Variants in PRKN observed in about 807,000 individuals in gnomAD.
PRKN encodes the protein parkin RBR E3 ubiquitin protein ligase.
A neutral mutation model predicts 59.5 loss-of-function variants in PRKN; 56 were observed. That is an observed-to-expected ratio of 0.94 (90% CI 0.76 to 1.18). The LOEUF (loss-of-function observed/expected upper bound fraction) is 1.18. Among genes scored for constraint, PRKN ranks in the 50% most tolerant of loss-of-function variants. The pLI, the probability that PRKN is intolerant of heterozygous loss-of-function variation, is 0.00. For synonymous variants in PRKN, 250 were observed against 222.1 expected, an observed-to-expected ratio of 1.13 and a Z score of -1.12; for missense variants, 657 against 596.4, an observed-to-expected ratio of 1.10 and a Z score of -1.06.
chr6:162,435,420 C>A (rs1288211655), intron 2 of PRKN, among the ~76,000 whole-genome samples: 3 of 151,964 alleles, frequency 2.0e-5, no homozygotes, highest in Admixed American at 6.6e-5. Context: ...CACATGGGCA[C>A]AGAAATGTCA....
chr6:161,500,213 C>T lies in PRKN; in HGVS notation c.1083+48641G>A, dbSNP rs117153422. On this transcript the variant is annotated intron_variant, in intron 9 of 11. Coordinates refer to ENST00000366898, the MANE Select transcript of PRKN (RefSeq NM_004562.3). ...ATTGAGCAGAGTACAGAGAGCTCCCCTCTCCCCTCTCCCCTATACATGCAC... is the reference window on the plus strand; with the variant it reads ...ATTGAGCAGAGTACAGAGAGCTCCCTTCTCCCCTCTCCCCTATACATGCAC... 2.9e-3 allele frequency among the ~76,000 whole-genome samples: 445 copies of T among 152,238 alleles called. 10 individuals are homozygous for T. The highest frequency in any genetic ancestry group is 0.026 in the East Asian group (134 of 5,182).
In PRKN at chr6:161,365,701, C is replaced by A; in HGVS notation, c.1168-5496G>T. Among the ~76,000 whole-genome samples, 4 of 152,324 alleles carry A rather than the reference C, an allele frequency of 2.6e-5. No individual in the cohort carries two copies. In the South Asian group the frequency reaches 8.3e-4, roughly 32 times the overall value. ...CACAAGGCAGAGTGGGTATAACTTG[C>A]AGGCCCACCAGAAAGCCACTAGGAT... On this transcript the variant is annotated intron_variant, in intron 10 of 11. Transcript: ENST00000366898.
At chr6:162,351,997 C>A (rs1322145378) in intron 2 of PRKN, among the ~76,000 whole-genome samples, 1 of 152,078 alleles carries the variant, frequency 6.6e-6, no homozygotes, top group Non-Finnish European at 1.5e-5. Context: ...GCTTTTGAGC[C>A]ACCCCCTCCG....
chr6:161,840,075 C>A (rs1792921741), intron 6 of PRKN, among the ~76,000 whole-genome samples: 1 of 152,260 alleles, frequency 6.6e-6, no homozygotes, highest in South Asian at 2.1e-4. Flanking sequence ...CATCTCTCTT[C>A]TTCTGCTGAG....
intron 9 of PRKN, among the ~76,000 whole-genome samples, chr6:161,422,243 C>T (rs915962934): frequency 3.4e-5 from 5 of 148,042 alleles, no homozygotes; most frequent in Admixed American, 6.8e-5. Context: ...CTGTTGCCCA[C>T]GCTGGAGTGC....
chr6:161,469,757 A>T (rs1328262085), intron 9 of PRKN, among the ~76,000 whole-genome samples: 1 of 152,178 alleles, frequency 6.6e-6, no homozygotes, highest in Non-Finnish European at 1.5e-5. Flanking sequence ...CCTTAACTTT[A>T]GGACTTCCGA....
At chr6:162,524,255 C>T (rs1262697977) in intron 1 of PRKN, among the ~76,000 whole-genome samples, 2 of 152,156 alleles carry the variant, frequency 1.3e-5, no homozygotes, top group African/African-American at 2.4e-5. Flanking sequence ...ATACCTAAGG[C>T]GTCCTGCTTC....
intron 4 of PRKN, among the ~76,000 whole-genome samples, chr6:162,092,721 G>A (rs1370956277): frequency 1.3e-5 from 2 of 152,136 alleles, no homozygotes; most frequent in Admixed American, 6.5e-5. Flanking sequence ...TGATATAAAC[G>A]AGCAAGTTCT....
intron 6 of PRKN, among the ~76,000 whole-genome samples, chr6:161,905,816 C>A (rs1162425495): frequency 6.6e-6 from 1 of 151,238 alleles, no homozygotes; most frequent in Non-Finnish European, 1.5e-5. Context: ...TGAAAATTAG[C>A]CTGGCATGGT....
chr6:161,685,332 G>A (rs537335409), intron 7 of PRKN, among the ~76,000 whole-genome samples: 62 of 152,122 alleles, frequency 4.1e-4, no homozygotes, highest in Non-Finnish European at 7.5e-4. Flanking sequence ...GAGACCCATC[G>A]CATGATTTCT....
chr6:162,135,570 A>G (rs958306005), intron 4 of PRKN, among the ~76,000 whole-genome samples: 30 of 152,170 alleles, frequency 2.0e-4, no homozygotes, highest in African/African-American at 5.6e-4. Context: ...TTTAAATCAG[A>G]GTTGAAATCA....
intron 3 of PRKN, among the ~76,000 whole-genome samples, chr6:162,208,190 T>C (rs1390960804): frequency 6.6e-6 from 1 of 152,184 alleles, no homozygotes; most frequent in African/African-American, 2.4e-5. Context: ...CTCCAAACCT[T>C]GTCCAATAGG....
chr6:161,876,653 C>G (rs904068663), intron 6 of PRKN, among the ~76,000 whole-genome samples: 2 of 152,090 alleles, frequency 1.3e-5, no homozygotes, highest in African/African-American at 4.8e-5. Flanking sequence ...TAGTGTCATC[C>G]AAGATTAATA....
At chr6:162,539,415 A>G (rs1470516138) in intron 1 of PRKN, among the ~76,000 whole-genome samples, 2 of 152,286 alleles carry the variant, frequency 1.3e-5, no homozygotes, top group East Asian at 3.9e-4. Context: ...TCCTATACTA[A>G]GATTAATTTC....
At chr6:161,938,476 A>C (rs1002498328) in intron 6 of PRKN, among the ~76,000 whole-genome samples, 1 of 152,238 alleles carries the variant, frequency 6.6e-6, no homozygotes, top group Admixed American at 6.5e-5. Flanking sequence ...TGGAAGAAGT[A>C]AAGTCAAGGA....
chr6:161,576,278 T>C lies in PRKN; in HGVS notation c.872-6862A>G, dbSNP rs1278333610. ...CTGATGGGTTTTTATTTATAAAGGA[T>C]TATTCATGCATTCTTTCTCCGTAGC... On this transcript the variant is annotated intron_variant, in intron 7 of 11. Coordinates refer to ENST00000366898, the MANE Select transcript of PRKN (RefSeq NM_004562.3). The surrounding 1 kb of genome is among the most constrained non-coding windows in gnomAD (Gnocchi z 4.6). 6.6e-6 allele frequency among the ~76,000 whole-genome samples: 1 copy of C among 152,250 alleles called. No homozygotes were observed. The highest frequency in any genetic ancestry group is 1.9e-4 in the East Asian group (1 of 5,204).
intron 7 of PRKN, among the ~76,000 whole-genome samples, chr6:161,590,957 T>A (rs535889100): frequency 1.3e-5 from 2 of 152,276 alleles, no homozygotes; most frequent in South Asian, 4.1e-4. Context: ...AGGTATGTAC[T>A]GAGGATAAAT....
At chr6:162,091,604 C>A (rs559286974) in intron 4 of PRKN, among the ~76,000 whole-genome samples, 2 of 152,280 alleles carry the variant, frequency 1.3e-5, no homozygotes, top group Non-Finnish European at 2.9e-5. Context: ...TCTGCAGGCA[C>A]CGATCGTCTG....
chr6:162,712,923 G>A (rs927511300), intron 1 of PRKN, among the ~76,000 whole-genome samples: 3 of 152,216 alleles, frequency 2.0e-5, no homozygotes, highest in South Asian at 2.1e-4. Context: ...CTTCAGTTCC[G>A]GTTCCTCCAG....
Sources: gnomAD v4.1 joint callset for allele counts (sites outside exome capture counted in the v4.1 genomes callset) on GRCh38, gnomAD v4.1.1 for gene constraint, Gnocchi (gnomAD v3.1) non-coding constraint, MANE v1.5 for transcripts, NCBI Gene and HGNC (gene_info 2026-07-23, HGNC 2026-07-21) for gene names.